Variants in SNRPD3 observed in about 807,000 individuals in gnomAD.
The protein encoded by SNRPD3 is small nuclear ribonucleoprotein D3 polypeptide, also known as small nuclear ribonucleoprotein Sm D3.
For missense variants in SNRPD3, 73 were observed against 167.5 expected, an observed-to-expected ratio of 0.44 and a Z score of 3.11; for synonymous variants, 66 against 58.4, an observed-to-expected ratio of 1.13 and a Z score of -0.59.
At chr22:24,560,119 C>CCTTGCTCTTTCACCCCGGCTGCAGT (rs2045119403) in intron 2 of SNRPD3, among the ~76,000 whole-genome samples, 1 of 100,228 alleles carries the variant, frequency 1.0e-5, no homozygotes, top group Non-Finnish European at 1.9e-5. Flanking sequence ...TGAGATGGAG[C>CCTTGCTCTTTCACCCCGGCTGCAGT]CTTGCTCTGT....
intron 2 of SNRPD3, among the ~76,000 whole-genome samples, chr22:24,559,864 G>A: frequency 6.6e-6 from 1 of 152,048 alleles, no homozygotes; most frequent in African/African-American, 2.4e-5. Context: ...CTGAAGGCTG[G>A]AAGTCTGAGA....
rs546715574 is a variant in SNRPD3 at position 24,572,466 on chromosome 22, C to G, written c.*489C>G. 117 of 287,322 alleles carry G rather than the reference C, an allele frequency of 4.1e-4. No individual in the cohort carries two copies. The highest frequency in any genetic ancestry group is 6.8e-4 in the Non-Finnish European group (103 of 151,384). The allele number at this position is 287,322 out of a possible 1,614,324, so 17.8% of individuals were successfully genotyped here. On this transcript the variant is annotated 3_prime_UTR_variant, in exon 4 of 4. Transcript: ENST00000215829. Reference sequence around the variant, plus strand: ...AGGTGACTCTTTCCCTTGATAAAGTCATAGGTAATTCAGGGGCTGGGTGCG... The same window carrying G: ...AGGTGACTCTTTCCCTTGATAAAGTGATAGGTAATTCAGGGGCTGGGTGCG...
At chr22:24,559,170 A>G (rs1291596763) in intron 2 of SNRPD3, among the ~76,000 whole-genome samples, 1 of 152,136 alleles carries the variant, frequency 6.6e-6, no homozygotes, top group Non-Finnish European at 1.5e-5. Context: ...ATTGGTTTGC[A>G]GGGTTCATTT....
chr22:24,556,968 T>C (rs2045077928), intron 1 of SNRPD3, among the ~76,000 whole-genome samples: 1 of 152,242 alleles, frequency 6.6e-6, no homozygotes, highest in African/African-American at 2.4e-5. Flanking sequence ...CACTTTGATA[T>C]TTTCTCAATA....
At position 24,572,086 on chromosome 22, in the gene SNRPD3, A is replaced by C; in HGVS notation, c.*109A>C. ...GGTATCTTTTGCCATCTTTCTCTTT[A>C]GATCAGGGGAAATGTTTAAGCTAAA... On this transcript the variant is annotated 3_prime_UTR_variant, in exon 4 of 4. Transcript: ENST00000215829. The C allele has an allele frequency of 6.4e-7, 1 of 1,555,642 alleles. No individual in the cohort carries two copies. Among genetic ancestry groups the C allele is most frequent in the Non-Finnish European group, 8.7e-7 (1 of 1,146,718 alleles).
chr22:24,564,883 C>CTTTT (rs371010665), intron 2 of SNRPD3, among the ~76,000 whole-genome samples: 2 of 127,160 alleles, frequency 1.6e-5, no homozygotes, highest in Non-Finnish European at 3.4e-5. Flanking sequence ...TTGCCTTGTT[C>CTTTT]ATTTTTTTTT....
At chr22:24,556,727 C>G (rs2045074135) in intron 1 of SNRPD3, among the ~76,000 whole-genome samples, 1 of 152,254 alleles carries the variant, frequency 6.6e-6, no homozygotes, top group South Asian at 2.1e-4. Flanking sequence ...TGGTTCTCCA[C>G]TACCTTCAGC....
At chr22:24,556,267 C>T (rs1569022577) in intron 1 of SNRPD3, among the ~76,000 whole-genome samples, 196 bp downstream of exon 1, 1 of 152,180 alleles carries the variant, frequency 6.6e-6, no homozygotes, top group Non-Finnish European at 1.5e-5. Flanking sequence ...GCATGCTTCT[C>T]ACATTCTGTA....
rs542044534 is a variant in SNRPD3, at chr22:24,573,601, A to G, written c.*1624A>G. Among the ~76,000 whole-genome samples, 5 of 152,318 alleles carry G rather than the reference A, an allele frequency of 3.3e-5. No individual in the cohort carries two copies. Among genetic ancestry groups the G allele is most frequent in the South Asian group, 2.1e-4 (1 of 4,828 alleles). On this transcript the variant is annotated 3_prime_UTR_variant, in exon 4 of 4. Coordinates refer to ENST00000215829, the MANE Select transcript of SNRPD3 (RefSeq NM_004175.5). ...TTTAAAATAGGGCTTCAGGCCAAAC[A>G]TGGTGCCCCACGCCTATAATGCCAG...
At chr22:24,568,207 T>C in intron 3 of SNRPD3, 31 bp downstream of exon 3, 1 of 1,560,806 alleles carries the variant, frequency 6.4e-7, no homozygotes, top group Non-Finnish European at 8.8e-7. Context: ...GGTTTTAAAA[T>C]ATAGGTTTGT....
At chr22:24,567,107 C>T (rs933333736) in intron 2 of SNRPD3, among the ~76,000 whole-genome samples, 3 of 152,154 alleles carry the variant, frequency 2.0e-5, no homozygotes, top group African/African-American at 7.2e-5. Context: ...CCTTGTGGTA[C>T]CACCTCCATT....
At chr22:24,570,186 G>A (rs79701390) in intron 3 of SNRPD3, among the ~76,000 whole-genome samples, 5 of 152,254 alleles carry the variant, frequency 3.3e-5, no homozygotes, top group Non-Finnish European at 7.3e-5. Context: ...TTTCTCTGGA[G>A]TGAGGTCTTA....
Position 24,567,941 on chromosome 22 carries a change from G to A in SNRPD3, c.127-43G>A, listed in dbSNP as rs760233053. ...CCAGTCAAGGCCCTCCCCACCGCTG[G>A]TGCTGTTGACCGTTAACTTATTAGC... On this transcript the variant is annotated intron_variant, in intron 2 of 3. Coordinates refer to ENST00000215829, the MANE Select transcript of SNRPD3 (RefSeq NM_004175.5). 16 of 1,501,008 alleles carry A rather than the reference G, an allele frequency of 1.1e-5. No homozygotes were observed. In the Admixed American group the frequency reaches 2.4e-4, roughly 23 times the overall value. The allele number at this position is 1,501,008 out of a possible 1,614,324, so 93.0% of individuals were successfully genotyped here.
chr22:24,559,693 T>G lies in SNRPD3; in HGVS notation c.126+1893T>G, dbSNP rs994065578. Among the ~76,000 whole-genome samples, 7 of 152,068 alleles carry G rather than the reference T, an allele frequency of 4.6e-5. No individual in the cohort carries two copies. In the South Asian group the frequency reaches 8.3e-4, roughly 18 times the overall value. On this transcript the variant is annotated intron_variant, in intron 2 of 3. Coordinates refer to ENST00000215829, the MANE Select transcript of SNRPD3 (RefSeq NM_004175.5). ...TTCATCCTCTGGTCCCTCCTCTAAATCAGGGATAAAAATAGCACCTTGGCC... is the reference window on the plus strand; with the variant it reads ...TTCATCCTCTGGTCCCTCCTCTAAAGCAGGGATAAAAATAGCACCTTGGCC...
chr22:24,567,687 G>A (rs546400025), intron 2 of SNRPD3, among the ~76,000 whole-genome samples: 2 of 152,122 alleles, frequency 1.3e-5, no homozygotes, highest in South Asian at 4.2e-4. Flanking sequence ...CAGAGGTCAC[G>A]GTTAGCCGAG....
chr22:24,566,475 T>G (rs2045197761), intron 2 of SNRPD3, among the ~76,000 whole-genome samples: 1 of 152,128 alleles, frequency 6.6e-6, no homozygotes, highest in African/African-American at 2.4e-5. Context: ...TTGCCCAGGC[T>G]GGTCTCAAAC....
At chr22:24,561,558 G>T (rs2045143534) in intron 2 of SNRPD3, among the ~76,000 whole-genome samples, 1 of 152,230 alleles carries the variant, frequency 6.6e-6, no homozygotes, top group Non-Finnish European at 1.5e-5. Context: ...AAAGCTGGTG[G>T]TGGGTGAACT....
chr22:24,568,287 C>T (rs1601570603), intron 3 of SNRPD3, 111 bp downstream of exon 3: 2 of 694,286 alleles, frequency 2.9e-6, no homozygotes, highest in East Asian at 5.6e-5. Flanking sequence ...GCTCTCTCCA[C>T]ACCCACCACC....
intron 2 of SNRPD3, among the ~76,000 whole-genome samples, chr22:24,558,514 C>T (rs1000735400): frequency 1.3e-5 from 2 of 152,122 alleles, no homozygotes; most frequent in Non-Finnish European, 2.9e-5. Flanking sequence ...GATGTATTAA[C>T]CACTCAGTTT....
Sources: gnomAD v4.1 joint callset for allele counts (sites outside exome capture counted in the v4.1 genomes callset) on GRCh38, gnomAD v4.1.1 for gene constraint, MANE v1.5 for transcripts, NCBI Gene and HGNC (gene_info 2026-07-23, HGNC 2026-07-21) for gene names.